SLC25A21: variants seen among roughly 807,000 people sequenced by gnomAD.
The protein encoded by SLC25A21 is solute carrier family 25 member 21, also known as mitochondrial 2-oxodicarboxylate carrier.
A neutral mutation model predicts 43.8 loss-of-function variants in SLC25A21; 47 were observed. That is an observed-to-expected ratio of 1.07 (90% confidence interval 0.85 to 1.37). The LOEUF (loss-of-function observed/expected upper bound fraction) is 1.37, where lower values mean the gene tolerates loss of function less well. Among genes scored for constraint, SLC25A21 ranks in the 40% most tolerant of loss-of-function variants. The pLI is 0.00. For missense variants in SLC25A21, 352 were observed against 350.2 expected (o/e 1.00, Z -0.04); for synonymous variants, 131 against 121.3 (o/e 1.08, Z -0.52).
intron 1 of SLC25A21, among the ~76,000 whole-genome samples, chr14:36,961,118 T>TA (rs11416463): frequency 0.37 from 56,023 of 151,630 alleles, 10,502 homozygotes; most frequent in South Asian, 0.48. Flanking sequence ...CACAATCAAT[T>TA]AAAAAAGCCC....
chr14:37,084,954 C>T (rs867553420), intron 1 of SLC25A21, among the ~76,000 whole-genome samples: 10 of 152,108 alleles, frequency 6.6e-5, no homozygotes, highest in African/African-American at 9.7e-5. Context: ...TTACCTTTTA[C>T]ATCAGTTTTG....
chr14:36,713,835 T>C (rs1427809771), intron 6 of SLC25A21, among the ~76,000 whole-genome samples: 1 of 151,896 alleles, frequency 6.6e-6, no homozygotes, highest in Non-Finnish European at 1.5e-5. Context: ...AATTAAAAAA[T>C]TAGCCAGGTG....
At chr14:36,852,328 T>A (rs1889765974) in intron 2 of SLC25A21, among the ~76,000 whole-genome samples, 14 of 152,180 alleles carry the variant, frequency 9.2e-5, no homozygotes, top group Admixed American at 9.2e-4. Flanking sequence ...ATTCTACATC[T>A]TTTCTTAACT....
At chr14:36,923,849 T>C (rs897726385) in intron 1 of SLC25A21, among the ~76,000 whole-genome samples, 1 of 151,972 alleles carries the variant, frequency 6.6e-6, no homozygotes, top group Admixed American at 6.6e-5. Context: ...AACAACCCCG[T>C]CAAAAAGTGG....
intron 1 of SLC25A21, among the ~76,000 whole-genome samples, chr14:36,942,866 T>C (rs575688636): frequency 6.6e-6 from 1 of 152,288 alleles, no homozygotes; most frequent in African/African-American, 2.4e-5. Flanking sequence ...CAAACTAAAA[T>C]ATTATGTGCA....
At chr14:36,810,664 C>T (rs1888207829) in intron 3 of SLC25A21, among the ~76,000 whole-genome samples, 1 of 152,138 alleles carries the variant, frequency 6.6e-6, no homozygotes, top group African/African-American at 2.4e-5. Context: ...TTTCATTTTG[C>T]ATCATTATGA....
intron 1 of SLC25A21, among the ~76,000 whole-genome samples, chr14:36,904,494 T>A (rs1164444654): frequency 6.6e-6 from 1 of 152,160 alleles, no homozygotes; most frequent in Non-Finnish European, 1.5e-5. Flanking sequence ...AAGTTCTTGA[T>A]TTTTCTCCCT....
At chr14:36,855,480 C>T (rs1447597972) in intron 2 of SLC25A21, among the ~76,000 whole-genome samples, 4 of 152,156 alleles carry the variant, frequency 2.6e-5, no homozygotes, top group Admixed American at 2.6e-4. Flanking sequence ...ATACACCTTC[C>T]TCATCTGTGG....
chr14:36,710,531 A>T lies in SLC25A21; in HGVS notation c.603+787T>A, dbSNP rs1883809541. 3.3e-5 allele frequency among the ~76,000 whole-genome samples: 5 copies of T among 152,158 alleles called. No homozygotes were observed. In the South Asian group the frequency reaches 1.0e-3, roughly 32 times the overall value. The stretch of plus-strand genomic sequence containing the variant: ...CTGCAGTCTTGAACTCCTGGGCTCA[A>T]GCGCTCCTCCCACCTCAGCCTCCCG... On this transcript the variant is annotated intron_variant, in intron 7 of 9. Coordinates refer to ENST00000331299, the MANE Select transcript of SLC25A21 (RefSeq NM_030631.4).
At chr14:37,160,830 T>C (rs996427717) in intron 1 of SLC25A21, among the ~76,000 whole-genome samples, 4 of 151,618 alleles carry the variant, frequency 2.6e-5, no homozygotes, top group Non-Finnish European at 5.9e-5. Flanking sequence ...CTCAGGAGGC[T>C]GAGGCAGGAG....
intron 2 of SLC25A21, among the ~76,000 whole-genome samples, chr14:36,862,257 G>C (rs1022859557): frequency 6.6e-6 from 1 of 152,130 alleles, no homozygotes; most frequent in Admixed American, 6.5e-5. Flanking sequence ...TCCCATTACT[G>C]GGTATATACT....
chr14:36,970,792 A>G (rs529550185), intron 1 of SLC25A21, among the ~76,000 whole-genome samples: 2 of 152,338 alleles, frequency 1.3e-5, no homozygotes, highest in South Asian at 4.1e-4. Flanking sequence ...GCTTGATCTA[A>G]TATTTTCATG....
chr14:37,047,125 A>G (rs541473916), intron 1 of SLC25A21, among the ~76,000 whole-genome samples: 1 of 152,270 alleles, frequency 6.6e-6, no homozygotes, highest in Non-Finnish European at 1.5e-5. Context: ...TGAAAGTCAC[A>G]ATGAGTAAAA....
At chr14:36,846,545 C>G (rs754593742) in intron 2 of SLC25A21, among the ~76,000 whole-genome samples, 6 of 152,072 alleles carry the variant, frequency 3.9e-5, no homozygotes, top group Non-Finnish European at 2.9e-5. Flanking sequence ...CCACACCCAG[C>G]CAATTTTTGT....
chr14:36,986,815 T>C (rs1169496901), intron 1 of SLC25A21, among the ~76,000 whole-genome samples: 2 of 152,284 alleles, frequency 1.3e-5, no homozygotes, highest in East Asian at 3.9e-4. Flanking sequence ...TCCCCCTGGG[T>C]CTTGGAATCC....
At chr14:37,141,950 G>A (rs1471170532) in intron 1 of SLC25A21, among the ~76,000 whole-genome samples, 1 of 152,182 alleles carries the variant, frequency 6.6e-6, no homozygotes, top group Non-Finnish European at 1.5e-5. Flanking sequence ...AATTCCCAGA[G>A]GTTCTGATGT....
rs533199810 is a variant in SLC25A21, at chr14:36,978,414, A to G, written c.71-103410T>C. Among the ~76,000 whole-genome samples, 4 of 152,304 alleles carry G rather than the reference A, an allele frequency of 2.6e-5. No homozygotes were observed. In the South Asian group the frequency reaches 8.3e-4, roughly 32 times the overall value. On this transcript the variant is annotated intron_variant, in intron 1 of 9. Transcript: ENST00000331299. ...TGATGTGCATATCTTAATTAAAAAT[A>G]TTTTATTGCTAACAAATGCTAACGA...
intron 2 of SLC25A21, among the ~76,000 whole-genome samples, chr14:36,817,398 T>C (rs1888493645): frequency 6.6e-6 from 1 of 152,004 alleles, no homozygotes; most frequent in African/African-American, 2.4e-5. Context: ...AGGAAGCATT[T>C]CAGGTGGGGA....
intron 1 of SLC25A21, among the ~76,000 whole-genome samples, chr14:37,025,363 A>G (rs1961071899): frequency 6.6e-6 from 1 of 152,174 alleles, no homozygotes; most frequent in South Asian, 2.1e-4. Context: ...ACTACAGAGT[A>G]ACACACAATG....
Sources: gnomAD v4.1 joint callset for allele counts (sites outside exome capture counted in the v4.1 genomes callset) on GRCh38, gnomAD v4.1.1 for gene constraint, MANE v1.5 for transcripts, NCBI Gene and HGNC (gene_info 2026-07-23, HGNC 2026-07-21) for gene names.